Variants in SPATA31D1 observed in about 807,000 individuals in gnomAD.
SPATA31D1 encodes SPATA31 subfamily D member 1.
A neutral mutation model predicts 13.2 loss-of-function variants in SPATA31D1; 6 were observed. That is an observed-to-expected ratio of 0.46 (90% CI 0.25 to 0.90). SPATA31D1 has a LOEUF of 0.90. SPATA31D1 is among the 40% of genes least tolerant of loss of function. SPATA31D1 has a pLI of 0.18. For missense variants in SPATA31D1, 2,445 were observed against 1,884.7 expected (o/e 1.30, Z -5.50); for synonymous variants, 903 against 718.8 (o/e 1.26, Z -4.10).
intron 1 of SPATA31D1, 64 bp downstream of exon 1, chr9:81,989,068 A>G: frequency 1.3e-6 from 2 of 1,578,560 alleles, no homozygotes; most frequent in Non-Finnish European, 8.6e-7. Flanking sequence ...TCCTATTCCA[A>G]CATTTCTAAA....
At chr9:81,990,595 T>A in intron 3 of SPATA31D1, 109 bp downstream of exon 3, 2 of 1,354,446 alleles carry the variant, frequency 1.5e-6, no homozygotes, top group Non-Finnish European at 2.0e-6. Flanking sequence ...TGGGAGTGGG[T>A]AGCCATAGGA....
Position 81,994,808 on chromosome 9 carries a change from A to C in SPATA31D1, c.4338A>C (p.Glu1446Asp), listed in dbSNP as rs1290066642. The C allele has an allele frequency of 6.8e-6, 11 of 1,613,822 alleles. No individual in the cohort carries two copies. The East Asian group carries it at 1.8e-4, about 26-fold the overall frequency. The change falls in exon 4 of 4, where the codon GAA (glutamate) becomes GAC (aspartate). Residue 1446 changes from glutamate to aspartate, a missense_variant. Transcript: ENST00000344803. ...VGLGKAQHNP[E>D]VHVRAEPVQG... ...TTGGGAAAGCTCAGCACAACCCAGA[A>C]GTGCATGTCAGAGCAGAGCCTGTCC... is the stretch of plus-strand genomic sequence containing the variant.
In SPATA31D1 at chr9:81,991,578, A is replaced by T; in HGVS notation, c.1108A>T (p.Asn370Tyr). 6.2e-7 allele frequency: 1 copy of T among 1,613,920 alleles called. No homozygotes were observed. Among genetic ancestry groups the T allele is most frequent in the East Asian group, 2.2e-5 (1 of 44,868 alleles). ...TCATGCCAAGGACTCTTTTTCCTCTAATTTTGTGCCATCTGATTTCATGGA... is the reference window on the plus strand; with the variant it reads ...TCATGCCAAGGACTCTTTTTCCTCTTATTTTGTGCCATCTGATTTCATGGA... ...QPHAKDSFSS[N>Y]FVPSDFMEEL... is the part of the protein sequence containing the mutation. Residue 370 changes from asparagine to tyrosine, a missense_variant, in exon 4 of 4, where the codon AAT becomes TAT. Physicochemically the swap from Asn to Tyr is moderately radical, Grantham distance 143 (BLOSUM62 -2). Coordinates refer to ENST00000344803, the MANE Select transcript of SPATA31D1 (RefSeq NM_001001670.3).
chr9:81,993,217 G>C lies in SPATA31D1; in HGVS notation c.2747G>C (p.Trp916Ser). The change falls in exon 4 of 4, where the codon TGG becomes TCG. Residue 916 changes from tryptophan (W) to serine (S), a missense_variant. By Grantham distance (177) the Trp-to-Ser change is radical. Transcript: ENST00000344803. ...AAAACTTTCCGTATGAGGATGCTGTGGGGCCTTCCCCTCAAGGTCCTTGAA... is the reference window on the plus strand; with the variant it reads ...AAAACTTTCCGTATGAGGATGCTGTCGGGCCTTCCCCTCAAGGTCCTTGAA... ...HIKTFRMRML[W>S]GLPLKVLESI... The C allele has an allele frequency of 1.2e-6, 2 of 1,613,910 alleles. No individual in the cohort carries two copies. The highest frequency in any genetic ancestry group is 2.7e-5 in the African/African-American group (2 of 75,014).
Position 81,991,222 on chromosome 9 carries a change from A to T in SPATA31D1, c.752A>T (p.His251Leu), listed in dbSNP as rs546849459. The change falls in exon 4 of 4, where the codon CAT (histidine) becomes CTT (leucine). Residue 251 changes from histidine (H) to leucine (L), a missense_variant. Coordinates refer to ENST00000344803, the MANE Select transcript of SPATA31D1 (RefSeq NM_001001670.3). The part of the protein sequence containing the change: ...QQLPFPLLPP[H>L]HIERVESSLQ... ...CTTCCCTTTCCCCTTCTCCCACCACATCACATTGAGAGAGTGGAGTCCAGC... is the reference window on the plus strand; with the variant it reads ...CTTCCCTTTCCCCTTCTCCCACCACTTCACATTGAGAGAGTGGAGTCCAGC... 6 of 1,613,700 alleles carry T rather than the reference A, an allele frequency of 3.7e-6. No individual in the cohort carries two copies. The highest frequency in any genetic ancestry group is 2.7e-5 in the African/African-American group (2 of 74,862).
rs1444949054 is a variant in SPATA31D1, at chr9:81,991,174, T to C, written c.704T>C (p.Ile235Thr). The change falls in exon 4 of 4, where the codon ATA (isoleucine) becomes ACA (threonine). Residue 235 changes from isoleucine to threonine, a missense_variant. Coordinates refer to ENST00000344803, the MANE Select transcript of SPATA31D1 (RefSeq NM_001001670.3). ...PVSPLDSKFPIDHSPPQQLPF... is the reference protein window; with the variant it reads ...PVSPLDSKFPTDHSPPQQLPF... ...TCTCCCTTGGATTCCAAGTTCCCCA[T>C]AGACCATTCCCCACCCCAACAGCTT... 5 of 1,613,800 alleles carry C rather than the reference T, an allele frequency of 3.1e-6. No individual in the cohort carries two copies. In the South Asian group the frequency reaches 4.4e-5, roughly 14 times the overall value.
In SPATA31D1 at chr9:81,988,924, G is replaced by A; in HGVS notation, c.106G>A (p.Gly36Arg). Residue 36 changes from glycine to arginine, a missense_variant, in exon 1 of 4, where the codon GGG becomes AGG. Gly to Arg is a moderately radical substitution (Grantham distance 125). Transcript: ENST00000344803. Reference protein sequence around the residue: ...DPNFICLSGLGLFILYLFYVV... With the variant: ...DPNFICLSGLRLFILYLFYVV... ...CAACTTCATCTGCTTGAGTGGGTTG[G>A]GGTTGTTTATACTGTACTTGTTCTA... 1 of 1,612,502 alleles carries A rather than the reference G, an allele frequency of 6.2e-7. No individual in the cohort carries two copies. Among genetic ancestry groups the A allele is most frequent in the Non-Finnish European group, 8.5e-7 (1 of 1,179,700 alleles).
Position 81,994,391 on chromosome 9 carries a change from G to A in SPATA31D1, c.3921G>A (p.Gly1307=). 1 of 1,613,888 alleles carries A rather than the reference G, an allele frequency of 6.2e-7. No individual in the cohort carries two copies. The highest frequency in any genetic ancestry group is 1.1e-5 in the South Asian group (1 of 91,074). The change falls in exon 4 of 4, where the codon GGG becomes GGA. Residue 1307 remains glycine, a synonymous_variant. Transcript: ENST00000344803. ...VRPKGGELDG[G]DAGLGTSQRR... ...CCAAAGGAGGAGAGCTTGATGGAGGGGATGCAGGGCTGGGGACATCCCAAC... is the reference window on the plus strand; with the variant it reads ...CCAAAGGAGGAGAGCTTGATGGAGGAGATGCAGGGCTGGGGACATCCCAAC...
At chr9:81,987,689 T>G (rs1824879941), upstream of SPATA31D1, among the ~76,000 whole-genome samples, 1 of 152,184 alleles carries the variant, frequency 6.6e-6, no homozygotes, top group Non-Finnish European at 1.5e-5. Context: ...TTATTTTTGT[T>G]TTATAGATGT....
rs1397648091 is a variant in SPATA31D1, at chr9:81,991,214, C to T, written c.744C>T (p.Leu248=). The T allele has an allele frequency of 1.2e-6, 2 of 1,613,906 alleles. No individual in the cohort carries two copies. Among genetic ancestry groups the T allele is most frequent in the African/African-American group, 1.3e-5 (1 of 74,944 alleles). The change falls in exon 4 of 4, where the codon CTC becomes CTT. Residue 248 remains leucine (L), a synonymous_variant. Coordinates refer to ENST00000344803, the MANE Select transcript of SPATA31D1 (RefSeq NM_001001670.3). ...CCCAACAGCTTCCCTTTCCCCTTCTCCCACCACATCACATTGAGAGAGTGG... is the reference window on the plus strand; with the variant it reads ...CCCAACAGCTTCCCTTTCCCCTTCTTCCACCACATCACATTGAGAGAGTGG... ...SPPQQLPFPL[L]PPHHIERVES... is the part of the protein sequence containing the mutation.
rs1472308126 is a variant in SPATA31D1 at position 81,991,196 on chromosome 9, G to A, written c.726G>A (p.Gln242=). 2.5e-6 allele frequency: 4 copies of A among 1,613,840 alleles called. No homozygotes were observed. Among genetic ancestry groups the A allele is most frequent in the South Asian group, 2.2e-5 (2 of 91,076 alleles). The change falls in exon 4 of 4, where the codon CAG becomes CAA. Residue 242 remains glutamine, a synonymous_variant. Coordinates refer to ENST00000344803, the MANE Select transcript of SPATA31D1 (RefSeq NM_001001670.3). ...CCATAGACCATTCCCCACCCCAACAGCTTCCCTTTCCCCTTCTCCCACCAC... is the reference window on the plus strand; with the variant it reads ...CCATAGACCATTCCCCACCCCAACAACTTCCCTTTCCCCTTCTCCCACCAC... ...KFPIDHSPPQ[Q]LPFPLLPPHH... is the part of the protein sequence containing the mutation.
Position 81,993,271 on chromosome 9 carries a change from A to G in SPATA31D1, c.2801A>G (p.Asp934Gly). 1 of 1,613,926 alleles carries G rather than the reference A, an allele frequency of 6.2e-7. No individual in the cohort carries two copies. Among genetic ancestry groups the G allele is most frequent in the Non-Finnish European group, 8.5e-7 (1 of 1,179,882 alleles). ...ATAGAAATCTTCAAATCGAAAGCGG[A>G]CCTTTCCACTTCCTTTTCCCATTTC... ...ESIEIFKSKADLSTSFSHFDL... is the reference protein window; with the variant it reads ...ESIEIFKSKAGLSTSFSHFDL... The change falls in exon 4 of 4, where the codon GAC becomes GGC. Residue 934 changes from aspartate (D) to glycine (G), a missense_variant. Asp to Gly is a moderately conservative substitution (Grantham distance 94). Coordinates refer to ENST00000344803, the MANE Select transcript of SPATA31D1 (RefSeq NM_001001670.3).
chr9:81,991,990 T>C lies in SPATA31D1; in HGVS notation c.1520T>C (p.Leu507Pro), dbSNP rs1824977743. 1 of 1,613,800 alleles carries C rather than the reference T, an allele frequency of 6.2e-7. No homozygotes were observed. The highest frequency in any genetic ancestry group is 1.1e-5 in the South Asian group (1 of 91,074). Residue 507 changes from leucine to proline, a missense_variant, in exon 4 of 4, where the codon CTC (leucine) becomes CCC (proline). Transcript: ENST00000344803. The stretch of plus-strand genomic sequence containing the variant: ...AAATATGTCCAGCTCTTCTGGGGTC[T>C]CCCATCTTTGCACAGCGAGTCTCTG... The part of the protein sequence containing the change: ...EQKYVQLFWG[L>P]PSLHSESLHP...
rs370390438 is a variant in SPATA31D1, at chr9:81,992,291, T to C, written c.1821T>C (p.His607=). ...FLIRICGVCF[H]RPQNEARSLL... ...TTAGGATCTGTGGAGTGTGTTTTCA[T>C]AGACCCCAGAACGAGGCACGGTCTC... Residue 607 remains histidine, a synonymous_variant, in exon 4 of 4, where the codon CAT becomes CAC. Transcript: ENST00000344803. The C allele has an allele frequency of 6.0e-5, 97 of 1,613,688 alleles. 1 individual carries two copies. The highest frequency in any genetic ancestry group is 8.2e-5 in the Non-Finnish European group (97 of 1,179,732).
upstream of SPATA31D1, among the ~76,000 whole-genome samples, chr9:81,987,583 T>TG (rs1824878358): frequency 1.3e-5 from 2 of 152,220 alleles, no homozygotes; most frequent in South Asian, 4.1e-4. Flanking sequence ...CAAAAGTGCT[T>TG]GAACAGTTTA....
exon 4 of SPATA31D1, chr9:81,995,248 TAAG>T: frequency 6.9e-7 from 1 of 1,446,230 alleles, no homozygotes; most frequent in Non-Finnish European, 9.1e-7. Context: ...AATGTTCCAA[TAAG>T]AAGGATGTCT....
At position 81,991,529 on chromosome 9, in the gene SPATA31D1, T is replaced by C. The variant is rs1824963338; in HGVS notation, c.1059T>C (p.Ser353=). The stretch of plus-strand genomic sequence containing the variant: ...GCATTGACCATTCACACCTTGCATC[T>C]TCAGAATTCACCTGGTGGCAGCCTC... ...IKGIDHSHLA[S]SEFTWWQPHA... The change falls in exon 4 of 4, where the codon TCT becomes TCC. Residue 353 remains serine (S), a synonymous_variant. Coordinates refer to ENST00000344803, the MANE Select transcript of SPATA31D1 (RefSeq NM_001001670.3). 3 of 1,613,916 alleles carry C rather than the reference T, an allele frequency of 1.9e-6. 1 individual carries two copies. The Admixed American group carries it at 5.0e-5, about 27-fold the overall frequency.
Position 81,993,492 on chromosome 9 carries a change from A to G in SPATA31D1, c.3022A>G (p.Thr1008Ala). ...QGTLRRQFSD[T>A]DHDLIETDSK... Reference sequence around the variant, plus strand: ...GACCCTGAGAAGACAATTTTCTGATACTGACCATGACCTTATAGAGACAGA... The same window carrying G: ...GACCCTGAGAAGACAATTTTCTGATGCTGACCATGACCTTATAGAGACAGA... Residue 1008 changes from threonine to alanine, a missense_variant, in exon 4 of 4, where the codon ACT (threonine) becomes GCT (alanine). Physicochemically the swap from Thr to Ala is moderately conservative, Grantham distance 58. Transcript: ENST00000344803. 1 of 1,613,930 alleles carries G rather than the reference A, an allele frequency of 6.2e-7. No individual in the cohort carries two copies. The highest frequency in any genetic ancestry group is 8.5e-7 in the Non-Finnish European group (1 of 1,179,882).
In SPATA31D1 at chr9:81,989,004, G is replaced by A. The variant is rs1334038935; in HGVS notation, c.186G>A (p.Lys62=). Residue 62 remains lysine, a splice_region_variant and synonymous_variant, in exon 1 of 4, where the codon AAG becomes AAA. Transcript: ENST00000344803. ...CCGAAAAAAATAATGACATCCAAAA[G>A]GTAAGGAACTGTGGGTGAACACCCA... ...SPTEKNNDIQ[K]HQGRAKRRRK... 1.2e-6 allele frequency: 2 copies of A among 1,611,550 alleles called. No homozygotes were observed. The highest frequency in any genetic ancestry group is 2.2e-5 in the East Asian group (1 of 44,858).
Sources: allele counts gnomAD v4.1 joint callset (sites outside exome capture counted in the v4.1 genomes callset), GRCh38; gene constraint gnomAD v4.1.1; transcripts MANE v1.5; gene names NCBI Gene and HGNC (gene_info 2026-07-23, HGNC 2026-07-21).